Variants in PARD3B observed in about 807,000 individuals in gnomAD.
PARD3B encodes par-3 family cell polarity regulator beta.
A neutral mutation model predicts 130.2 loss-of-function variants in PARD3B; 103 were observed. That is an observed-to-expected ratio of 0.79 (90% confidence interval 0.67 to 0.93). PARD3B has a LOEUF of 0.93. Among genes scored for constraint, PARD3B ranks in the 40% least tolerant of loss-of-function variants. The probability of loss-of-function intolerance (pLI) is 0.00; values close to 1 mark genes in which losing one functional copy is unlikely to be tolerated. For missense variants in PARD3B, 1,609 were observed against 1,499.2 expected (o/e 1.07, Z -1.21); for synonymous variants, 583 against 553.2 (o/e 1.05, Z -0.76).
intron 2 of PARD3B, among the ~76,000 whole-genome samples, chr2:204,811,972 C>T (rs988984701): frequency 2.0e-5 from 3 of 151,966 alleles, no homozygotes; most frequent in African/African-American, 7.2e-5. Context: ...TAAAAGTTCA[C>T]CGGAATTAAA....
chr2:204,588,231 A>G (rs1206043271), intron 1 of PARD3B, among the ~76,000 whole-genome samples: 2 of 152,160 alleles, frequency 1.3e-5, no homozygotes, highest in African/African-American at 4.8e-5. Flanking sequence ...CAGATTTAAG[A>G]TTCTTTTATG....
At chr2:204,580,178 A>C (rs1364786468) in intron 1 of PARD3B, among the ~76,000 whole-genome samples, 1 of 152,214 alleles carries the variant, frequency 6.6e-6, no homozygotes, top group Non-Finnish European at 1.5e-5. Context: ...GTAAAGAGAC[A>C]GAAGTAGAGA....
At chr2:205,312,586 A>G (rs1340624522) in intron 18 of PARD3B, among the ~76,000 whole-genome samples, 2 of 152,218 alleles carry the variant, frequency 1.3e-5, no homozygotes, top group Non-Finnish European at 2.9e-5. Context: ...ACAGAGGAAA[A>G]GAAATCGATG....
At chr2:204,617,273 G>T (rs1300545798) in intron 1 of PARD3B, among the ~76,000 whole-genome samples, 1 of 152,152 alleles carries the variant, frequency 6.6e-6, no homozygotes, top group African/African-American at 2.4e-5. Flanking sequence ...ATCTCATCTT[G>T]ATTCTTTCAA....
rs188969935 is a variant in PARD3B at position 205,241,052 on chromosome 2, C to T, written c.2141-4726C>T. On this transcript the variant is annotated intron_variant, in intron 15 of 22. Transcript: ENST00000406610. The surrounding 1 kb of genome is among the most constrained non-coding windows in gnomAD (Gnocchi z 4.2). ...CTGGTTGAAATTAAGTGAAAAGACA[C>T]AGACTGTTTATTTATGCTTTTTAAA... Among the ~76,000 whole-genome samples the T allele has an allele frequency of 6.6e-6, 1 of 152,282 alleles. No individual in the cohort carries two copies. Among genetic ancestry groups the T allele is most frequent in the East Asian group, 1.9e-4 (1 of 5,186 alleles).
rs1206159776 is a variant in PARD3B, at chr2:205,592,028, A to G, written c.3261-23428A>G. 6.6e-6 allele frequency among the ~76,000 whole-genome samples: 1 copy of G among 152,242 alleles called. No homozygotes were observed. The highest frequency in any genetic ancestry group is 6.5e-5 in the Admixed American group (1 of 15,284). On this transcript the variant is annotated intron_variant, in intron 22 of 22. Transcript: ENST00000406610. The surrounding 1 kb of genome is among the most constrained non-coding windows in gnomAD (Gnocchi z 4.5). The stretch of plus-strand genomic sequence containing the variant: ...ATAATCCTACCAGTGATGATGTCTT[A>G]CAGTGTGTAACTGGGCTTTGTCAGT...
intron 2 of PARD3B, among the ~76,000 whole-genome samples, chr2:204,872,144 A>G (rs2045652954): frequency 6.6e-6 from 1 of 152,088 alleles, no homozygotes; most frequent in South Asian, 2.1e-4. Context: ...TTGTTTTCCA[A>G]AAGATTATAA....
chr2:204,718,383 A>C (rs2038834769), intron 2 of PARD3B, among the ~76,000 whole-genome samples: 1 of 152,106 alleles, frequency 6.6e-6, no homozygotes, highest in Non-Finnish European at 1.5e-5. Flanking sequence ...TGAATCTTAC[A>C]ATCATGGCGG....
At chr2:205,171,878 C>T (rs1264702522) in intron 11 of PARD3B, among the ~76,000 whole-genome samples, 1 of 152,194 alleles carries the variant, frequency 6.6e-6, no homozygotes, top group Non-Finnish European at 1.5e-5. Context: ...GAGTCAACAA[C>T]ATGGTCTCCG....
At chr2:205,538,777 TTTTTG>T (rs1308121629) in intron 21 of PARD3B, among the ~76,000 whole-genome samples, 1 of 152,076 alleles carries the variant, frequency 6.6e-6, no homozygotes, top group East Asian at 1.9e-4. Context: ...TCTCCAAGTG[TTTTTG>T]TTTTTTTATT....
At chr2:205,057,600 T>TAC (rs1699778233) in intron 4 of PARD3B, among the ~76,000 whole-genome samples, 1 of 79,274 alleles carries the variant, frequency 1.3e-5, no homozygotes, top group South Asian at 3.7e-4. Context: ...TATATATACA[T>TAC]ATATGTGTAT....
chr2:205,587,850 C>A (rs1050728668), intron 22 of PARD3B, among the ~76,000 whole-genome samples: 1 of 152,168 alleles, frequency 6.6e-6, no homozygotes, highest in African/African-American at 2.4e-5. Context: ...CCATTTATAG[C>A]CCTGCTTTGC....
chr2:204,866,676 T>A (rs1047242297), intron 2 of PARD3B, among the ~76,000 whole-genome samples: 1 of 151,786 alleles, frequency 6.6e-6, no homozygotes, highest in African/African-American at 2.4e-5. Flanking sequence ...TGTGTATATA[T>A]ACATATATAT....
chr2:205,550,984 C>CT lies in PARD3B; in HGVS notation c.3181-2340_3181-2339insT. Reference sequence around the variant, plus strand: ...ATATATATATATATATATACACACACACACACACACACACACACATAATCT... The same window carrying CT: ...ATATATATATATATATATACACACACTACACACACACACACACACATAATCT... On this transcript the variant is annotated intron_variant, in intron 21 of 22. Transcript: ENST00000406610. This position sits in a 1 kb window ranked among gnomAD's most constrained non-coding sequence, Gnocchi z 4.5. Among the ~76,000 whole-genome samples, 1 of 98,118 alleles carries CT rather than the reference C, an allele frequency of 1.0e-5. No individual in the cohort carries two copies. The highest frequency in any genetic ancestry group is 2.4e-4 in the East Asian group (1 of 4,144). The allele number at this position is 98,118 out of a possible 152,430, so 64.4% of individuals were successfully genotyped here.
intron 18 of PARD3B, among the ~76,000 whole-genome samples, chr2:205,330,101 G>A (rs2043067629): frequency 6.6e-6 from 1 of 151,814 alleles, no homozygotes; most frequent in South Asian, 2.1e-4. Context: ...AGCACTTTGG[G>A]AGGCTGAGGC....
Position 205,214,183 on chromosome 2 carries a change from A to T in PARD3B, c.2140+20863A>T, listed in dbSNP as rs895797659. Among the ~76,000 whole-genome samples, 7 of 152,230 alleles carry T rather than the reference A, an allele frequency of 4.6e-5. No homozygotes were observed. The South Asian group carries it at 1.4e-3, about 32-fold the overall frequency. On this transcript the variant is annotated intron_variant, in intron 15 of 22. Coordinates refer to ENST00000406610, the MANE Select transcript of PARD3B (RefSeq NM_001302769.2). The stretch of plus-strand genomic sequence containing the variant: ...TTGGTTGCAGAACAGAGTAGAAGAT[A>T]ATATTCCTGTAATAAAAAAATTTGT...
At chr2:204,790,837 G>T (rs1242415083) in intron 2 of PARD3B, among the ~76,000 whole-genome samples, 1 of 152,166 alleles carries the variant, frequency 6.6e-6, no homozygotes, top group Non-Finnish European at 1.5e-5. Flanking sequence ...GGGTGTGGTG[G>T]CTCACGCCTG....
At chr2:205,161,063 C>G (rs2034477429) in intron 11 of PARD3B, among the ~76,000 whole-genome samples, 1 of 152,160 alleles carries the variant, frequency 6.6e-6, no homozygotes, top group African/African-American at 2.4e-5. Context: ...AATTAGTCTT[C>G]TTATTCCTAA....
At chr2:205,615,401 C>G in intron 22 of PARD3B, 55 bp from the exon 23 acceptor site, 1 of 1,462,504 alleles carries the variant, frequency 6.8e-7, no homozygotes, top group Non-Finnish European at 9.3e-7. Flanking sequence ...ACATGTTCTC[C>G]AGCCGGACGG....
Sources: gnomAD v4.1 joint callset for allele counts (sites outside exome capture counted in the v4.1 genomes callset) on GRCh38, gnomAD v4.1.1 for gene constraint, Gnocchi (gnomAD v3.1) non-coding constraint, MANE v1.5 for transcripts, NCBI Gene and HGNC (gene_info 2026-07-23, HGNC 2026-07-21) for gene names.